HIVEP1: variants seen among roughly 807,000 people sequenced by gnomAD.
HIVEP1 encodes the protein zinc finger protein 40.
HIVEP1 carries 36 observed loss-of-function variants against 180.0 expected under a neutral mutation model. The ratio of observed to expected loss-of-function variants is 0.20; its 90% CI spans 0.15 to 0.26. HIVEP1 has a LOEUF of 0.26. HIVEP1 is among the 10% of genes least tolerant of loss of function. HIVEP1 has a pLI of 1.00. For synonymous variants in HIVEP1, 1,239 were observed against 1,239.0 expected (o/e 1.00, Z 0.00); for missense variants, 3,143 against 3,268.7 (o/e 0.96, Z 0.94).
intron 2 of HIVEP1, chr6:12,020,440 G>A (rs1183612894): frequency 2.1e-6 from 1 of 471,110 alleles, no homozygotes; most frequent in South Asian, 1.5e-5. Context: ...GCAGGGCAGC[G>A]CTGTGTCTCC....
intron 4 of HIVEP1, among the ~76,000 whole-genome samples, chr6:12,129,387 T>C (rs1758284465): frequency 6.6e-6 from 1 of 152,186 alleles, no homozygotes; most frequent in Non-Finnish European, 1.5e-5. Flanking sequence ...AAAAGTAAAC[T>C]CTTTAAGAAA....
the HIVEP1 span, among the ~76,000 whole-genome samples, chr6:12,190,463 T>A: frequency 1.3e-4 from 20 of 152,262 alleles, no homozygotes; most frequent in African/African-American, 4.6e-4. Context: ...TTCTCTCAGT[T>A]CCTTGCACAA....
chr6:12,104,411 T>TCG (rs1774299368), intron 3 of HIVEP1, among the ~76,000 whole-genome samples: 1 of 141,342 alleles, frequency 7.1e-6, no homozygotes, highest in African/African-American at 2.6e-5. Flanking sequence ...TCTCTCTCTC[T>TCG]CTCCTTTTCT....
chr6:12,023,353 G>A (rs1011645592), intron 2 of HIVEP1, among the ~76,000 whole-genome samples: 1 of 152,180 alleles, frequency 6.6e-6, no homozygotes, highest in Non-Finnish European at 1.5e-5. Flanking sequence ...TTTTCAGATG[G>A]AATTCCAGCT....
At chr6:12,015,816 A>C (rs1767704633) in intron 2 of HIVEP1, 148 bp downstream of exon 2, 1 of 654,594 alleles carries the variant, frequency 1.5e-6, no homozygotes, top group South Asian at 1.9e-5. Context: ...AGTCCTGCAC[A>C]ATTCCTGTCT....
chr6:12,150,235 G>A (rs573305376), intron 7 of HIVEP1, among the ~76,000 whole-genome samples: 2 of 152,228 alleles, frequency 1.3e-5, no homozygotes, highest in South Asian at 4.1e-4. Flanking sequence ...GGGTATTAGT[G>A]ACTACATTTT....
chr6:12,203,712 T>C, the HIVEP1 span, among the ~76,000 whole-genome samples: 2 of 152,250 alleles, frequency 1.3e-5, no homozygotes, highest in East Asian at 1.9e-4. Context: ...TCACTGAGGA[T>C]AGAAAATGTC....
chr6:12,052,805 A>G (rs915321247), intron 2 of HIVEP1, among the ~76,000 whole-genome samples: 1 of 152,212 alleles, frequency 6.6e-6, no homozygotes, highest in Non-Finnish European at 1.5e-5. Context: ...CTGAGGTTCT[A>G]ATTTCACCAG....
chr6:12,032,250 C>A (rs1325709843), intron 2 of HIVEP1, among the ~76,000 whole-genome samples: 3 of 151,124 alleles, frequency 2.0e-5, no homozygotes, highest in Admixed American at 2.0e-4. Flanking sequence ...ACGCCATTCT[C>A]CTGTCTCAGC....
At chr6:12,045,099 G>A (rs1770040824) in intron 2 of HIVEP1, among the ~76,000 whole-genome samples, 1 of 152,238 alleles carries the variant, frequency 6.6e-6, no homozygotes, top group African/African-American at 2.4e-5. Context: ...ATGAAACATT[G>A]TGTGGATCTT....
intron 4 of HIVEP1, among the ~76,000 whole-genome samples, chr6:12,128,911 A>G (rs1456670121): frequency 6.6e-6 from 1 of 152,198 alleles, no homozygotes; most frequent in Non-Finnish European, 1.5e-5. Context: ...TTGAGAAGAT[A>G]GAAAGAATTA....
chr6:12,017,154 A>G (rs1767829990), intron 2 of HIVEP1, among the ~76,000 whole-genome samples: 1 of 152,220 alleles, frequency 6.6e-6, no homozygotes, highest in Admixed American at 6.5e-5. Flanking sequence ...TGAGAAACAC[A>G]GATTTACAGG....
At chr6:12,087,658 C>T (rs1459520279) in intron 2 of HIVEP1, among the ~76,000 whole-genome samples, 1 of 152,048 alleles carries the variant, frequency 6.6e-6, no homozygotes. Flanking sequence ...TGTGTTAATA[C>T]GGATTTCATG....
At chr6:12,073,420 C>T (rs911208831) in intron 2 of HIVEP1, among the ~76,000 whole-genome samples, 2 of 152,202 alleles carry the variant, frequency 1.3e-5, no homozygotes, top group Non-Finnish European at 2.9e-5. Context: ...CTGAGTCTCC[C>T]TCTTTTCTGG....
In HIVEP1 at chr6:12,123,568, A is replaced by G. The variant is rs1757842370; in HGVS notation, c.3773A>G (p.Glu1258Gly). The change falls in exon 4 of 9, where the codon GAG becomes GGG. Residue 1258 changes from glutamate to glycine, a missense_variant. Coordinates refer to ENST00000379388, the MANE Select transcript of HIVEP1 (RefSeq NM_002114.4). ...CAATGCCATGATCAAGAAAAGTCAG[A>G]GAAGTTCAGTTGGCCCCAGCGTAGT... is the stretch of plus-strand genomic sequence containing the variant. ...EAQCHDQEKS[E>G]KFSWPQRSET... 4.3e-6 allele frequency: 7 copies of G among 1,614,034 alleles called. No homozygotes were observed. The highest frequency in any genetic ancestry group is 3.3e-5 in the Admixed American group (2 of 60,012).
chr6:12,108,850 G>C (rs1288389261), intron 3 of HIVEP1, among the ~76,000 whole-genome samples: 4 of 152,238 alleles, frequency 2.6e-5, no homozygotes, highest in Admixed American at 6.5e-5. Flanking sequence ...GTGCAGCGGT[G>C]GGCTGAAGGG....
intron 3 of HIVEP1, among the ~76,000 whole-genome samples, chr6:12,094,364 T>G (rs1042990335): frequency 6.6e-6 from 1 of 151,992 alleles, no homozygotes; most frequent in African/African-American, 2.4e-5. Context: ...TTGGCTCCAG[T>G]AAAATTGGTA....
intron 7 of HIVEP1, among the ~76,000 whole-genome samples, chr6:12,160,388 A>G (rs2113682921): frequency 2.0e-5 from 3 of 152,360 alleles, no homozygotes; most frequent in Admixed American, 2.0e-4. Context: ...TTGACAGGAA[A>G]TTGTAGCATC....
intron 3 of HIVEP1, among the ~76,000 whole-genome samples, chr6:12,096,063 T>A (rs1050061668): frequency 3.7e-4 from 56 of 152,124 alleles, no homozygotes; most frequent in African/African-American, 1.3e-3. Flanking sequence ...TAACATTATT[T>A]TCTGTCTCAC....
Sources: gnomAD v4.1 joint callset for allele counts (sites outside exome capture counted in the v4.1 genomes callset) on GRCh38, gnomAD v4.1.1 for gene constraint, MANE v1.5 for transcripts, NCBI Gene and HGNC (gene_info 2026-07-23, HGNC 2026-07-21) for gene names.